Variants in CDKAL1 observed in about 807,000 individuals in gnomAD.
CDKAL1 encodes the protein threonylcarbamoyladenosine tRNA methylthiotransferase.
In CDKAL1, 32 loss-of-function variants were observed where a neutral mutation model predicts 68.2. The ratio of observed to expected loss-of-function variants is 0.47; its 90% CI spans 0.35 to 0.63. The LOEUF (loss-of-function observed/expected upper bound fraction) is 0.63, where lower values mean the gene tolerates loss of function less well. CDKAL1 is among the 30% of genes least tolerant of loss of function. The pLI, the probability that CDKAL1 is intolerant of heterozygous loss-of-function variation, is 0.00. For missense variants in CDKAL1, 606 were observed against 696.7 expected, an observed-to-expected ratio of 0.87 and a Z score of 1.47; for synonymous variants, 234 against 244.3, an observed-to-expected ratio of 0.96 and a Z score of 0.39.
chr6:20,760,216 A>C (rs1182576640), intron 7 of CDKAL1, among the ~76,000 whole-genome samples: 1 of 152,116 alleles, frequency 6.6e-6, no homozygotes, highest in African/African-American at 2.4e-5. Context: ...CTGGGGTCAA[A>C]CGATCCACCC....
chr6:20,980,060 C>T (rs1318740234), intron 10 of CDKAL1, among the ~76,000 whole-genome samples: 1 of 151,988 alleles, frequency 6.6e-6, no homozygotes, highest in African/African-American at 2.4e-5. Context: ...CGTGAGCCAC[C>T]ACGCCTGGCC....
chr6:20,925,241 A>T (rs1423484255), intron 9 of CDKAL1, among the ~76,000 whole-genome samples: 1 of 152,238 alleles, frequency 6.6e-6, no homozygotes, highest in Admixed American at 6.5e-5. Context: ...AAGTATTTTA[A>T]AATCAAGGTA....
At chr6:21,051,124 A>G (rs1215872838) in intron 11 of CDKAL1, among the ~76,000 whole-genome samples, 3 of 152,190 alleles carry the variant, frequency 2.0e-5, no homozygotes, top group Non-Finnish European at 4.4e-5. Context: ...GAATGTGAAC[A>G]CTGTCTGGAT....
At chr6:20,808,283 T>G (rs1199057851) in intron 8 of CDKAL1, among the ~76,000 whole-genome samples, 1 of 152,202 alleles carries the variant, frequency 6.6e-6, no homozygotes, top group Non-Finnish European at 1.5e-5. Context: ...TTTATTATTT[T>G]TATTATTTTA....
chr6:21,118,468 AG>A (rs1774533030), intron 13 of CDKAL1, among the ~76,000 whole-genome samples: 1 of 152,228 alleles, frequency 6.6e-6, no homozygotes, highest in Non-Finnish European at 1.5e-5. Flanking sequence ...ACACAGATTC[AG>A]GGTTGCACAA....
intron 9 of CDKAL1, among the ~76,000 whole-genome samples, chr6:20,942,652 C>T (rs1295660347): frequency 3.4e-5 from 5 of 147,878 alleles, no homozygotes; most frequent in Non-Finnish European, 7.5e-5. Flanking sequence ...CAGGCGTGAG[C>T]CACCACGCCC....
intron 9 of CDKAL1, among the ~76,000 whole-genome samples, chr6:20,939,416 G>C (rs1763871918): frequency 6.6e-6 from 1 of 152,156 alleles, no homozygotes; most frequent in Non-Finnish European, 1.5e-5. Context: ...AGAGAATACA[G>C]AATGAAAATG....
At chr6:20,906,015 C>T (rs1762216230) in intron 9 of CDKAL1, among the ~76,000 whole-genome samples, 1 of 152,186 alleles carries the variant, frequency 6.6e-6, no homozygotes, top group Non-Finnish European at 1.5e-5. Context: ...TGAAGAAATA[C>T]ACATCTCAGT....
intron 9 of CDKAL1, among the ~76,000 whole-genome samples, chr6:20,897,087 G>A (rs920689796): frequency 8.5e-5 from 13 of 152,206 alleles, no homozygotes; most frequent in South Asian, 8.3e-4. Context: ...ATGAAGGCAC[G>A]CTCTTGCCTT....
At chr6:20,757,339 T>G (rs1774262146) in intron 6 of CDKAL1, among the ~76,000 whole-genome samples, 1 of 152,060 alleles carries the variant, frequency 6.6e-6, no homozygotes, top group African/African-American at 2.4e-5. Context: ...TTTTCATCAA[T>G]AGAGGTATGG....
chr6:21,163,719 G>A (rs1025544042), intron 13 of CDKAL1, among the ~76,000 whole-genome samples: 1 of 152,162 alleles, frequency 6.6e-6, no homozygotes, highest in Non-Finnish European at 1.5e-5. Context: ...AGGAGGCCGA[G>A]AGACGGGTGG....
intron 5 of CDKAL1, among the ~76,000 whole-genome samples, chr6:20,674,233 C>G (rs1193674841): frequency 2.0e-5 from 3 of 151,928 alleles, no homozygotes; most frequent in Non-Finnish European, 4.4e-5. Context: ...TTTCTTTTGT[C>G]TAATAGCAGT....
intron 12 of CDKAL1, among the ~76,000 whole-genome samples, chr6:21,103,905 C>T (rs915527700): frequency 2.0e-5 from 3 of 152,126 alleles, no homozygotes; most frequent in Non-Finnish European, 4.4e-5. Flanking sequence ...AGGAAAATAC[C>T]TAATTATTCC....
At chr6:21,000,532 G>A in intron 11 of CDKAL1, among the ~76,000 whole-genome samples, 160 bp downstream of exon 11, 1 of 144,150 alleles carries the variant, frequency 6.9e-6, no homozygotes, top group African/African-American at 2.4e-5. Context: ...CCTTTGATGT[G>A]GTTTTTTCTT....
At chr6:21,174,620 G>A (rs892253845) in intron 13 of CDKAL1, among the ~76,000 whole-genome samples, 1 of 151,952 alleles carries the variant, frequency 6.6e-6, no homozygotes, top group African/African-American at 2.4e-5. Context: ...AGTATTGTTG[G>A]GTGTAGGTAA....
chr6:20,956,501 T>C (rs775192419), intron 10 of CDKAL1, among the ~76,000 whole-genome samples: 2 of 152,194 alleles, frequency 1.3e-5, no homozygotes, highest in African/African-American at 4.8e-5. Context: ...AAAATCTGAT[T>C]AGTGCAATTG....
chr6:20,904,845 A>G (rs1762165582), intron 9 of CDKAL1, among the ~76,000 whole-genome samples: 1 of 152,118 alleles, frequency 6.6e-6, no homozygotes. Flanking sequence ...AGACGCACAG[A>G]CTCAGAAAAG....
chr6:21,073,796 C>A (rs1387278044), intron 12 of CDKAL1, among the ~76,000 whole-genome samples: 1 of 152,084 alleles, frequency 6.6e-6, no homozygotes, highest in East Asian at 1.9e-4. Flanking sequence ...CAGTCTATGG[C>A]CTGTTTTCTC....
chr6:20,948,032 T>TTA (rs58588399), intron 9 of CDKAL1, among the ~76,000 whole-genome samples: 1 of 148,582 alleles, frequency 6.7e-6, no homozygotes, highest in African/African-American at 2.5e-5. Flanking sequence ...TTTTTTTTTT[T>TTA]AAAGAAACAA....
Sources: gnomAD v4.1 joint callset for allele counts (sites outside exome capture counted in the v4.1 genomes callset) on GRCh38, gnomAD v4.1.1 for gene constraint, MANE v1.5 for transcripts, NCBI Gene and HGNC (gene_info 2026-07-23, HGNC 2026-07-21) for gene names.